ZNF83: variants seen among roughly 807,000 people sequenced by gnomAD.
ZNF83 encodes zinc finger protein 83, also known as zinc finger protein 816B.
For synonymous variants in ZNF83, 209 were observed against 213.0 expected (o/e 0.98, Z 0.17); for missense variants, 552 against 629.9 (o/e 0.88, Z 1.32).
At chr19:52,650,115 A>G (rs2061423765) in intron 3 of ZNF83, among the ~76,000 whole-genome samples, 1 of 152,140 alleles carries the variant, frequency 6.6e-6, no homozygotes, top group Admixed American at 6.5e-5. Context: ...GAATGTCCTG[A>G]GTGGAGAAAG....
rs2061893731 is a variant in ZNF83 at position 52,680,629 on chromosome 19, T to C, written c.-283+9814A>G. Among the ~76,000 whole-genome samples, 4 of 111,470 alleles carry C rather than the reference T, an allele frequency of 3.6e-5. No homozygotes were observed. In the South Asian group the frequency reaches 1.1e-3, roughly 29 times the overall value. 73.1% of individuals were successfully genotyped at this position (111,470 alleles called of 152,430 possible). A position where few individuals can be genotyped will look rare whatever the true frequency, so the allele number is the denominator to read the frequency against. Reference sequence around the variant, plus strand: ...ATATTTTTTTTTTTTTTTTTTTTTTTTGAGACGGAGTCTCGCTCTGTCGCC... The same window carrying C: ...ATATTTTTTTTTTTTTTTTTTTTTTCTGAGACGGAGTCTCGCTCTGTCGCC... On this transcript the variant is annotated intron_variant, in intron 1 of 5. Transcript: ENST00000594682.
intron 2 of ZNF83, among the ~76,000 whole-genome samples, chr19:52,630,085 C>T (rs7249936): frequency 0.14 from 20,638 of 151,660 alleles, 1,391 homozygotes; most frequent in South Asian, 0.23. Flanking sequence ...AAGGAATGCC[C>T]GCAGCCCAGG....
rs1415862570 is a variant in ZNF83 at position 52,687,499 on chromosome 19, G to T, written c.-283+2944C>A. On this transcript the variant is annotated intron_variant, in intron 1 of 5. Coordinates refer to the ZNF83 transcript ENST00000594682. Reference sequence around the variant, plus strand: ...ATCTATATAAATTATAATTTATATAGATATATAAATTATATATAAATTTTA... The same window carrying T: ...ATCTATATAAATTATAATTTATATATATATATAAATTATATATAAATTTTA... Among the ~76,000 whole-genome samples, 119 of 14,886 alleles carry T rather than the reference G, an allele frequency of 8.0e-3. 25 individuals carry two copies. Among genetic ancestry groups the T allele is most frequent in the African/African-American group, 0.012 (25 of 2,082 alleles). 9.8% of individuals were successfully genotyped at this position (14,886 alleles called of 152,430 possible). A position where few individuals can be genotyped will look rare whatever the true frequency, so the allele number is the denominator to read the frequency against.
At chr19:52,639,860 A>T (rs2061273938), upstream of ZNF83, among the ~76,000 whole-genome samples, 1 of 152,236 alleles carries the variant, frequency 6.6e-6, no homozygotes, top group South Asian at 2.1e-4. Context: ...GTAAGCCTTA[A>T]ACCAGAATGT....
At chr19:52,627,084 T>C (rs890565286) in intron 2 of ZNF83, among the ~76,000 whole-genome samples, 17 of 151,976 alleles carry the variant, frequency 1.1e-4, no homozygotes, top group Non-Finnish European at 2.1e-4. Context: ...GGACAATGAG[T>C]CTTATGATCT....
intron 1 of ZNF83, among the ~76,000 whole-genome samples, chr19:52,674,015 CAAAAAAAAAA>C (rs67570337): frequency 2.7e-5 from 2 of 73,064 alleles, no homozygotes; most frequent in African/African-American, 5.2e-5. Flanking sequence ...GACTCCATCT[CAAAAAAAAAA>C]AAAAAAAAAA....
chr19:52,641,357 A>G (rs1277657662), upstream of ZNF83, among the ~76,000 whole-genome samples: 1 of 152,206 alleles, frequency 6.6e-6, no homozygotes, highest in Non-Finnish European at 1.5e-5. Flanking sequence ...AATATTAGGA[A>G]GTTTCACGTA....
intron 1 of ZNF83, among the ~76,000 whole-genome samples, chr19:52,685,089 C>T (rs1188167961): frequency 1.3e-5 from 2 of 152,186 alleles, no homozygotes; most frequent in Non-Finnish European, 1.5e-5. Context: ...TTTTGGGGTA[C>T]TGCATCCCAT....
chr19:52,654,608 T>C (rs947708080), intron 3 of ZNF83, among the ~76,000 whole-genome samples: 1 of 152,090 alleles, frequency 6.6e-6, no homozygotes, highest in African/African-American at 2.4e-5. Context: ...TCCCAGCTAC[T>C]CAGGACGCTG....
At chr19:52,653,120 A>T in intron 3 of ZNF83, 1 of 1,463,186 alleles carries the variant, frequency 6.8e-7, no homozygotes, top group Admixed American at 1.7e-5. Context: ...TTTCGAGCAA[A>T]GGTCTTGCCA....
intron 2 of ZNF83, 76 bp from the exon 3 acceptor site, chr19:52,614,873 T>A (rs1442808091): frequency 8.5e-7 from 1 of 1,170,616 alleles, no homozygotes; most frequent in Non-Finnish European, 1.1e-6. Flanking sequence ...AAATGTGTAA[T>A]AGTACACTAA....
intron 1 of ZNF83, among the ~76,000 whole-genome samples, chr19:52,687,605 ATATATAATG>A (rs1372868682): frequency 0.31 from 17,173 of 55,076 alleles, 5,563 homozygotes; most frequent in African/African-American, 0.59. Flanking sequence ...TAATGTATAT[ATATATAATG>A]TGTATATATA....
chr19:52,618,701 A>C, intron 2 of ZNF83: 1 of 764,942 alleles, frequency 1.3e-6, no homozygotes, highest in Non-Finnish European at 1.9e-6. Context: ...CTTGCCAGCC[A>C]TAAGGTTTTA....
intron 1 of ZNF83, among the ~76,000 whole-genome samples, chr19:52,637,680 GT>G (rs1174931458): frequency 3.9e-5 from 6 of 152,276 alleles, no homozygotes; most frequent in African/African-American, 1.4e-4. Flanking sequence ...TCACAGGAGG[GT>G]TTGGATAAGA....
intron 2 of ZNF83, among the ~76,000 whole-genome samples, chr19:52,622,907 A>G (rs62118484): frequency 0.19 from 28,462 of 152,260 alleles, 2,789 homozygotes; most frequent in Middle Eastern, 0.24. Flanking sequence ...AGTTACAATT[A>G]CTTGCCTCTG....
chr19:52,662,724 C>T (rs772782409), intron 1 of ZNF83, among the ~76,000 whole-genome samples: 2 of 152,048 alleles, frequency 1.3e-5, no homozygotes. Flanking sequence ...CTGTATATTA[C>T]AGATGGGGGT....
chr19:52,652,105 A>T (rs2061449286), intron 3 of ZNF83: 1 of 241,228 alleles, frequency 4.1e-6, no homozygotes, highest in Non-Finnish European at 8.2e-6. Context: ...TCTGTCCAGT[A>T]TAGATTCCCT....
At chr19:52,649,016 G>T (rs1185255295) in intron 3 of ZNF83, among the ~76,000 whole-genome samples, 1 of 152,096 alleles carries the variant, frequency 6.6e-6, no homozygotes, top group African/African-American at 2.4e-5. Context: ...TTCATGCCCT[G>T]CCCCCTCAAC....
intron 1 of ZNF83, among the ~76,000 whole-genome samples, chr19:52,675,526 C>T (rs1460251084): frequency 1.1e-4 from 17 of 151,946 alleles, no homozygotes; most frequent in Admixed American, 5.9e-4. Flanking sequence ...CTGATTTAAG[C>T]GGCCTCCTAT....
Sources: allele counts gnomAD v4.1 joint callset (sites outside exome capture counted in the v4.1 genomes callset), GRCh38; gene constraint gnomAD v4.1.1; transcripts MANE v1.5; gene names NCBI Gene and HGNC (gene_info 2026-07-23, HGNC 2026-07-21).